TMA7: variants seen among roughly 807,000 people sequenced by gnomAD.
TMA7 encodes the protein translation machinery associated 7 homolog.
TMA7 carries 5 observed loss-of-function variants against 12.5 expected under a neutral mutation model. That is an observed-to-expected ratio of 0.40 (90% CI 0.21 to 0.84). TMA7 has a LOEUF of 0.84. Ranked by LOEUF, TMA7 falls within the 40% of genes least tolerant of loss-of-function variation. The pLI is 0.36. For missense variants in TMA7, 71 were observed against 75.4 expected, an observed-to-expected ratio of 0.94 and a Z score of 0.22; for synonymous variants, 36 against 28.1, an observed-to-expected ratio of 1.28 and a Z score of -0.89.
chr3:48,440,296 C>A lies in TMA7; in HGVS notation c.-1C>A. The A allele has an allele frequency of 6.2e-7, 1 of 1,606,124 alleles. No homozygotes were observed. Among genetic ancestry groups the A allele is most frequent in the Non-Finnish European group, 8.5e-7 (1 of 1,176,222 alleles). On this transcript the variant is annotated 5_prime_UTR_variant, in exon 1 of 4. Transcript: ENST00000438607. The stretch of plus-strand genomic sequence containing the variant: ...GGTCTGGGGAAGCGGCGGCAGGCGC[C>A]ATGTCCGGCCGCGAAGGTAAGTGTT...
intron 3 of TMA7, chr3:48,440,877 A>G: frequency 1.7e-6 from 1 of 575,642 alleles, no homozygotes; most frequent in Non-Finnish European, 3.1e-6. Flanking sequence ...AGAAACGGAA[A>G]CAGTGAAATG....
At chr3:48,442,729 C>T (rs1333575062) in intron 3 of TMA7, among the ~76,000 whole-genome samples, 4 of 152,070 alleles carry the variant, frequency 2.6e-5, no homozygotes, top group Non-Finnish European at 4.4e-5. Flanking sequence ...GGATTACAGG[C>T]GTGAGCCACC....
At chr3:48,441,050 C>G (rs2039550703) in intron 3 of TMA7, 2 of 195,714 alleles carry the variant, frequency 1.0e-5, no homozygotes, top group African/African-American at 2.5e-5. Flanking sequence ...GAGTCTCACT[C>G]TGTCTCCCAG....
At chr3:48,441,088 T>G (rs143584677) in intron 3 of TMA7, 64 of 161,108 alleles carry the variant, frequency 4.0e-4, no homozygotes, top group African/African-American at 1.5e-3. Flanking sequence ...TGATCCCGGC[T>G]CACTGCAACC....
intron 3 of TMA7, among the ~76,000 whole-genome samples, chr3:48,442,155 A>G (rs1201891606): frequency 1.3e-5 from 2 of 152,024 alleles, no homozygotes; most frequent in Non-Finnish European, 2.9e-5. Flanking sequence ...GCTTAAGCCC[A>G]GGAGTTCAAG....
intron 3 of TMA7, among the ~76,000 whole-genome samples, chr3:48,442,260 C>CA (rs199829895): frequency 0.029 from 3,758 of 131,670 alleles, 46 homozygotes; most frequent in Non-Finnish European, 0.044. Flanking sequence ...GACCCTATCT[C>CA]AAAAAAAAAA....
At chr3:48,443,613 G>A (rs532009355) in intron 3 of TMA7, among the ~76,000 whole-genome samples, 183 of 151,994 alleles carry the variant, frequency 1.2e-3, no homozygotes, top group African/African-American at 4.2e-3. Flanking sequence ...AATCTGTGAA[G>A]TATACAGAAG....
At chr3:48,442,120 C>T (rs983918121) in intron 3 of TMA7, among the ~76,000 whole-genome samples, 1 of 152,014 alleles carries the variant, frequency 6.6e-6, no homozygotes, top group African/African-American at 2.4e-5. Flanking sequence ...GTAATCCCAG[C>T]TATTTAAAAG....
At chr3:48,441,206 C>T (rs1335688728) in intron 3 of TMA7, among the ~76,000 whole-genome samples, 3 of 151,316 alleles carry the variant, frequency 2.0e-5, no homozygotes, top group South Asian at 2.1e-4. Context: ...AGACGGAGTG[C>T]GGCTAATTTT....
At chr3:48,440,371 G>A in intron 1 of TMA7, 32 bp from the exon 2 acceptor site, 2 of 1,611,820 alleles carry the variant, frequency 1.2e-6, no homozygotes, top group South Asian at 2.2e-5. Context: ...CGGGCGGCAG[G>A]GGCAGGCCGA....
intron 3 of TMA7, among the ~76,000 whole-genome samples, chr3:48,441,207 G>A (rs1400770182): frequency 6.6e-6 from 1 of 151,788 alleles, no homozygotes; most frequent in Non-Finnish European, 1.5e-5. Flanking sequence ...GACGGAGTGC[G>A]GCTAATTTTT....
chr3:48,440,803 G>C, intron 3 of TMA7, 175 bp downstream of exon 3: 3 of 645,302 alleles, frequency 4.6e-6, no homozygotes, highest in Admixed American at 2.9e-5. Flanking sequence ...TAAGGGCCGG[G>C]AGCTGGAAAC....
chr3:48,441,550 T>C (rs2039568711), intron 3 of TMA7, among the ~76,000 whole-genome samples: 2 of 152,144 alleles, frequency 1.3e-5, no homozygotes, highest in African/African-American at 4.8e-5. Context: ...TCTGAGTCTT[T>C]TTACTTCTGG....
chr3:48,443,709 G>A, intron 3 of TMA7, 139 bp from the exon 4 acceptor site: 1 of 567,840 alleles, frequency 1.8e-6, no homozygotes, highest in Non-Finnish European at 3.0e-6. Flanking sequence ...GACAGTATCA[G>A]TGAAGCTGCT....
chr3:48,440,668 T>C (rs2039538379), intron 3 of TMA7, 40 bp downstream of exon 3: 2 of 1,571,212 alleles, frequency 1.3e-6, no homozygotes, highest in Non-Finnish European at 1.7e-6. Context: ...GGCCAAACGC[T>C]ATGAGCACCT....
intron 3 of TMA7, among the ~76,000 whole-genome samples, chr3:48,441,840 G>A (rs1407324284): frequency 2.6e-5 from 4 of 152,196 alleles, no homozygotes; most frequent in Non-Finnish European, 5.9e-5. Context: ...TGGTGGGAGT[G>A]TCATCTAGGG....
intron 3 of TMA7, chr3:48,440,895 C>T (rs1008132448): frequency 2.4e-5 from 13 of 542,376 alleles, no homozygotes; most frequent in Middle Eastern, 4.8e-4. Context: ...ATGTATTTAC[C>T]TCAGACGCAG....
At chr3:48,442,482 C>T (rs1300939207) in intron 3 of TMA7, among the ~76,000 whole-genome samples, 2 of 142,048 alleles carry the variant, frequency 1.4e-5, no homozygotes, top group African/African-American at 2.6e-5. Flanking sequence ...TAAATAGTCT[C>T]ACTCTGTCGC....
At chr3:48,441,418 A>G (rs1280090773) in intron 3 of TMA7, among the ~76,000 whole-genome samples, 1 of 150,436 alleles carries the variant, frequency 6.6e-6, no homozygotes, top group Non-Finnish European at 1.5e-5. Context: ...CCTGACTTCA[A>G]GTGATTCACC....
Sources: allele counts gnomAD v4.1 joint callset (sites outside exome capture counted in the v4.1 genomes callset), GRCh38; gene constraint gnomAD v4.1.1; transcripts MANE v1.5; gene names NCBI Gene and HGNC (gene_info 2026-07-23, HGNC 2026-07-21).